KLHDC7B: variants seen among roughly 807,000 people sequenced by gnomAD.
KLHDC7B encodes kelch domain-containing protein 7B.
In KLHDC7B, 1 loss-of-function variant was observed where a neutral mutation model predicts 0.6. The observed-to-expected ratio is 1.71, with a 90% CI of 0.61 to 8.11. KLHDC7B has a LOEUF of 8.11. Among genes scored for constraint, KLHDC7B ranks in the 30% most tolerant of loss-of-function variants. KLHDC7B has a pLI of 0.13. For missense variants in KLHDC7B, 993 were observed against 894.9 expected, an observed-to-expected ratio of 1.11 and a Z score of -1.40; for synonymous variants, 462 against 405.2, an observed-to-expected ratio of 1.14 and a Z score of -1.68.
chr22:50,545,951 A>T lies in KLHDC7B; in HGVS notation c.-293A>T, dbSNP rs115592184. 2.5e-3 allele frequency among the ~76,000 whole-genome samples: 379 copies of T among 150,952 alleles called. No individual in the cohort carries two copies. The highest frequency in any genetic ancestry group is 8.6e-3 in the African/African-American group (354 of 41,334). ...CAGAGCTCAGGAACGCTGCCTGAGG[A>T]CCCTGGGGCCTACGAGGAGGAGAAG... On this transcript the variant is annotated 5_prime_UTR_variant, in exon 1 of 1. Transcript: ENST00000648057.
rs2069767948 is a variant in KLHDC7B, at chr22:50,548,894, A to G, written c.2651A>G (p.Tyr884Cys). 6.3e-7 allele frequency: 1 copy of G among 1,582,694 alleles called. No homozygotes were observed. The highest frequency in any genetic ancestry group is 2.3e-5 in the East Asian group (1 of 43,316). ...HGEPGLAQET[Y>C]ALMSDNLLRV... ...GAGCCCGGCCTGGCGCAGGAGACCT[A>G]CGCGCTGATGAGCGACAACCTGCTG... is the stretch of plus-strand genomic sequence containing the variant. The change falls in exon 1 of 1, where the codon TAC becomes TGC. Residue 884 changes from tyrosine (Y) to cysteine (C), a missense_variant. By Grantham distance (194) the Tyr-to-Cys change is radical. Transcript: ENST00000648057. This position sits in a 1 kb window ranked among gnomAD's most constrained non-coding sequence, Gnocchi z 5.3.
Position 50,550,214 on chromosome 22 carries a change from A to C in KLHDC7B, c.*263A>C, listed in dbSNP as rs1603442655. 3 of 441,486 alleles carry C rather than the reference A, an allele frequency of 6.8e-6. No individual in the cohort carries two copies. The highest frequency in any genetic ancestry group is 6.0e-5 in the South Asian group (1 of 16,634). 27.3% of individuals were successfully genotyped at this position (441,486 alleles called of 1,614,324 possible). A position where few individuals can be genotyped will look rare whatever the true frequency, so the allele number is the denominator to read the frequency against. ...TTACAGACCCTCTCAGCTTGCTGAC[A>C]CCCCCCTGTCTGTGGGACTCCCTAT... On this transcript the variant is annotated 3_prime_UTR_variant, in exon 1 of 1. Transcript: ENST00000648057.
chr22:50,548,518 T>G lies in KLHDC7B; in HGVS notation c.2275T>G (p.Ser759Ala), dbSNP rs1348816916. The change falls in exon 1 of 1, where the codon TCC becomes GCC. Residue 759 changes from serine (S) to alanine (A), a missense_variant. Physicochemically the swap from Ser to Ala is moderately conservative, Grantham distance 99. Coordinates refer to ENST00000648057, the MANE Select transcript of KLHDC7B (RefSeq NM_138433.5). The surrounding 1 kb of genome is among the most constrained non-coding windows in gnomAD (Gnocchi z 5.3). ...PAQRPPGPAASSSARRSQPVP... is the reference protein window; with the variant it reads ...PAQRPPGPAAASSARRSQPVP... ...GCAGAGGCCGCCTGGCCCCGCGGCCTCCTCCTCTGCGAGGCGCTCACAGCC... is the reference window on the plus strand; with the variant it reads ...GCAGAGGCCGCCTGGCCCCGCGGCCGCCTCCTCTGCGAGGCGCTCACAGCC... The G allele has an allele frequency of 1.3e-6, 2 of 1,554,036 alleles. No homozygotes were observed. The highest frequency in any genetic ancestry group is 2.4e-5 in the East Asian group (1 of 41,800).
In KLHDC7B at chr22:50,547,335, G is replaced by A. The variant is rs1337967984; in HGVS notation, c.1092G>A (p.Pro364=). ...PQGRPLSSQG[P]GATGAYDAGE... is the part of the protein sequence containing the mutation. ...GTCGCCCACTCTCGTCCCAAGGGCCGGGTGCCACAGGGGCCTACGATGCCG... is the reference window on the plus strand; with the variant it reads ...GTCGCCCACTCTCGTCCCAAGGGCCAGGTGCCACAGGGGCCTACGATGCCG... The change falls in exon 1 of 1, where the codon CCG becomes CCA. Residue 364 remains proline (P), a synonymous_variant. Transcript: ENST00000648057. 6.6e-6 allele frequency among the ~76,000 whole-genome samples: 1 copy of A among 151,880 alleles called. No homozygotes were observed. The highest frequency in any genetic ancestry group is 6.6e-5 in the Admixed American group (1 of 15,264).
chr22:50,547,470 C>T lies in KLHDC7B; in HGVS notation c.1227C>T (p.Pro409=). The change falls in exon 1 of 1, where the codon CCC becomes CCT. Residue 409 remains proline, a synonymous_variant. Coordinates refer to ENST00000648057, the MANE Select transcript of KLHDC7B (RefSeq NM_138433.5). ...CTGCAGCCGGCCACAGCCGCGCGCCCTCCCGGAGCCGTGAGCCTCGCCCGC... is the reference window on the plus strand; with the variant it reads ...CTGCAGCCGGCCACAGCCGCGCGCCTTCCCGGAGCCGTGAGCCTCGCCCGC... ...KPAAAGHSRA[P]SRSREPRPRS... is the part of the protein sequence containing the mutation. 1 of 386,212 alleles carries T rather than the reference C, an allele frequency of 2.6e-6. No individual in the cohort carries two copies. Among genetic ancestry groups the T allele is most frequent in the Non-Finnish European group, 4.6e-6 (1 of 218,286 alleles). The allele number at this position is 386,212 out of a possible 1,614,324, so 23.9% of individuals were successfully genotyped here. A position where few individuals can be genotyped will look rare whatever the true frequency, so the allele number is the denominator to read the frequency against.
chr22:50,549,609 C>A lies in KLHDC7B; in HGVS notation c.3366C>A (p.Ser1122Arg). Residue 1122 changes from serine (S) to arginine (R), a missense_variant, in exon 1 of 1, where the codon AGC becomes AGA. Ser to Arg is a moderately radical substitution (Grantham distance 110). Coordinates refer to ENST00000648057, the MANE Select transcript of KLHDC7B (RefSeq NM_138433.5). The stretch of plus-strand genomic sequence containing the variant: ...GGGACGAGTGCCCATACAGTGCCAG[C>A]CACCGGCGTTCCAGCGACATCGTGG... Reference protein sequence around the residue: ...DAWDECPYSASHRRSSDIVAL... With the variant: ...DAWDECPYSARHRRSSDIVAL... The A allele has an allele frequency of 6.4e-7, 1 of 1,560,604 alleles. No individual in the cohort carries two copies. The highest frequency in any genetic ancestry group is 8.7e-7 in the Non-Finnish European group (1 of 1,149,878).
chr22:50,548,504 C>T lies in KLHDC7B; in HGVS notation c.2261C>T (p.Pro754Leu). The change falls in exon 1 of 1, where the codon CCT becomes CTT. Residue 754 changes from proline (P) to leucine (L), a missense_variant. Pro to Leu is a moderately conservative substitution (Grantham distance 98). Coordinates refer to ENST00000648057, the MANE Select transcript of KLHDC7B (RefSeq NM_138433.5). This position sits in a 1 kb window ranked among gnomAD's most constrained non-coding sequence, Gnocchi z 5.3. The stretch of plus-strand genomic sequence containing the variant: ...GCACAGCCCCCCGCGCAGAGGCCGC[C>T]TGGCCCCGCGGCCTCCTCCTCTGCG... The part of the protein sequence containing the change: ...GPAQPPAQRP[P>L]GPAASSSARR... The T allele has an allele frequency of 6.4e-7, 1 of 1,558,710 alleles. No individual in the cohort carries two copies. The highest frequency in any genetic ancestry group is 8.7e-7 in the Non-Finnish European group (1 of 1,151,408).
At position 50,547,164 on chromosome 22, in the gene KLHDC7B, G is replaced by T. The variant is rs1690037296; in HGVS notation, c.921G>T (p.Gly307=). ...LQPGSQTEGS[G]AKGGWSREAS... ...CTGGGTCTCAGACGGAAGGCTCTGG[G>T]GCCAAGGGTGGCTGGAGCAGGGAGG... Residue 307 remains glycine (G), a synonymous_variant, in exon 1 of 1, where the codon GGG becomes GGT. Transcript: ENST00000648057. Among the ~76,000 whole-genome samples, 1 of 151,572 alleles carries T rather than the reference G, an allele frequency of 6.6e-6. No homozygotes were observed. The highest frequency in any genetic ancestry group is 2.4e-5 in the African/African-American group (1 of 41,288).
Position 50,549,547 on chromosome 22 carries a change from T to A in KLHDC7B, c.3304T>A (p.Tyr1102Asn). The A allele has an allele frequency of 6.2e-7, 1 of 1,600,796 alleles. No individual in the cohort carries two copies. Among genetic ancestry groups the A allele is most frequent in the Non-Finnish European group, 8.5e-7 (1 of 1,172,038 alleles). The change falls in exon 1 of 1, where the codon TAC becomes AAC. Residue 1102 changes from tyrosine (Y) to asparagine (N), a missense_variant. Transcript: ENST00000648057. ...CTACGTCACCGGGGGTCACCTCTTC[T>A]ACCGCCTGCTCAGGTACAGCCCCGT... ...DIYVTGGHLF[Y>N]RLLRYSPVKD...
chr22:50,549,744 G>GCCCCCCCCCCCCCCCCCC lies in KLHDC7B; in HGVS notation c.3504_3505insCCCCCCCCCCCCCCCCCC (p.Pro1168_Ala1169insProProProProProPro). The GCCCCCCCCCCCCCCCCCC allele has an allele frequency of 1.9e-6, 3 of 1,554,582 alleles. No individual in the cohort carries two copies. On this transcript the variant is annotated inframe_insertion, in exon 1 of 1. Transcript: ENST00000648057. The stretch of plus-strand genomic sequence containing the variant: ...GGAGCAGGGCTGCCTCCCTGCCCCT[G>GCCCCCCCCCCCCCCCCCC]CCCGCCCCCGCCCCACTGCACTGCA...
In KLHDC7B at chr22:50,547,098, G is replaced by T. The variant is rs1849341774; in HGVS notation, c.855G>T (p.Glu285Asp). Residue 285 changes from glutamate to aspartate, a missense_variant, in exon 1 of 1, where the codon GAG (glutamate) becomes GAT (aspartate). Coordinates refer to ENST00000648057, the MANE Select transcript of KLHDC7B (RefSeq NM_138433.5). ...CCACAGGACCCCCACTCGCCCAGGA[G>T]CCCGCACTCCCGGCGCTGCCCGCTC... ...GLPTGPPLAQ[E>D]PALPALPAPR... 6.6e-6 allele frequency among the ~76,000 whole-genome samples: 1 copy of T among 151,660 alleles called. No individual in the cohort carries two copies. The highest frequency in any genetic ancestry group is 2.4e-5 in the African/African-American group (1 of 41,320).
At position 50,550,154 on chromosome 22, in the gene KLHDC7B, A is replaced by C; in HGVS notation, c.*203A>C. ...AGCCTCTTTCTGCCCCTCACTCCAC[A>C]CCCAGACTGTTTCCTGACTCAATTC... On this transcript the variant is annotated 3_prime_UTR_variant, in exon 1 of 1. Transcript: ENST00000648057. 3.7e-6 allele frequency: 2 copies of C among 543,280 alleles called. No homozygotes were observed. Among genetic ancestry groups the C allele is most frequent in the East Asian group, 3.2e-5 (1 of 31,588 alleles). 33.7% of individuals were successfully genotyped at this position (543,280 alleles called of 1,614,324 possible).
chr22:50,547,760 C>T lies in KLHDC7B; in HGVS notation c.1517C>T (p.Pro506Leu). 2.0e-6 allele frequency: 1 copy of T among 508,098 alleles called. No individual in the cohort carries two copies. Among genetic ancestry groups the T allele is most frequent in the South Asian group, 3.2e-5 (1 of 31,416 alleles). The allele number at this position is 508,098 out of a possible 1,614,324, so 31.5% of individuals were successfully genotyped here. A position where few individuals can be genotyped will look rare whatever the true frequency, so the allele number is the denominator to read the frequency against. ...TTSTSSPTSAPAPAPTSAPTS... is the reference protein window; with the variant it reads ...TTSTSSPTSALAPAPTSAPTS... ...TCAACCTCATCCCCCACCTCAGCCC[C>T]AGCCCCAGCTCCAACCTCAGCTCCA... Residue 506 changes from proline (P) to leucine (L), a missense_variant, in exon 1 of 1, where the codon CCA becomes CTA. Transcript: ENST00000648057.
In KLHDC7B at chr22:50,547,790, C is replaced by T; in HGVS notation, c.1547C>T (p.Ser516Leu). 1 of 507,090 alleles carries T rather than the reference C, an allele frequency of 2.0e-6. No individual in the cohort carries two copies. Among genetic ancestry groups the T allele is most frequent in the Non-Finnish European group, 3.5e-6 (1 of 287,482 alleles). 31.4% of individuals were successfully genotyped at this position (507,090 alleles called of 1,614,324 possible). A position where few individuals can be genotyped will look rare whatever the true frequency, so the allele number is the denominator to read the frequency against. Residue 516 changes from serine (S) to leucine (L), a missense_variant, in exon 1 of 1, where the codon TCA (serine) becomes TTA (leucine). Ser to Leu is a moderately radical substitution (Grantham distance 145). Coordinates refer to ENST00000648057, the MANE Select transcript of KLHDC7B (RefSeq NM_138433.5). ...PAPAPTSAPT[S>L]TPAPAPSPAA... The stretch of plus-strand genomic sequence containing the variant: ...CCAGCTCCAACCTCAGCTCCAACTT[C>T]AACCCCAGCCCCAGCCCCAAGTCCA...
rs962789885 is a variant in KLHDC7B at position 50,546,802 on chromosome 22, G to A, written c.559G>A (p.Glu187Lys). Residue 187 changes from glutamate to lysine, a missense_variant, in exon 1 of 1, where the codon GAA (glutamate) becomes AAA (lysine). Glu to Lys is a moderately conservative substitution (Grantham distance 56). Coordinates refer to ENST00000648057, the MANE Select transcript of KLHDC7B (RefSeq NM_138433.5). ...IHFTPRSPGS[E>K]AEAETGGVRA... ...CTTCACTCCTCGGAGCCCTGGCAGC[G>A]AAGCGGAGGCGGAGACAGGTGGTGT... 3.9e-5 allele frequency among the ~76,000 whole-genome samples: 6 copies of A among 152,108 alleles called. No homozygotes were observed. Among genetic ancestry groups the A allele is most frequent in the Non-Finnish European group, 8.8e-5 (6 of 67,972 alleles).
chr22:50,549,749 C>T lies in KLHDC7B; in HGVS notation c.3506C>T (p.Ala1169Val), dbSNP rs772289178. The T allele has an allele frequency of 1.9e-6, 3 of 1,559,660 alleles. No individual in the cohort carries two copies. The highest frequency in any genetic ancestry group is 2.6e-6 in the Non-Finnish European group (3 of 1,152,710). ...AGGGCTGCCTCCCTGCCCCTGCCCG[C>T]CCCCGCCCCACTGCACTGCACCACC... ...WSRAASLPLPAPAPLHCTTLG... is the reference protein window; with the variant it reads ...WSRAASLPLPVPAPLHCTTLG... Residue 1169 changes from alanine (A) to valine (V), a missense_variant, in exon 1 of 1, where the codon GCC becomes GTC. Transcript: ENST00000648057.
Position 50,547,027 on chromosome 22 carries a change from G to T in KLHDC7B, c.784G>T (p.Ala262Ser), listed in dbSNP as rs2069737366. The change falls in exon 1 of 1, where the codon GCG becomes TCG. Residue 262 changes from alanine (A) to serine (S), a missense_variant. Coordinates refer to ENST00000648057, the MANE Select transcript of KLHDC7B (RefSeq NM_138433.5). ...GGGCGCCGCGGGGAGCGTGTGGGAC[G>T]CGGTGGACGGGGCCGCCGCCCTGGA... The part of the protein sequence containing the change: ...RLGAAGSVWD[A>S]VDGAAALDAH... Among the ~76,000 whole-genome samples the T allele has an allele frequency of 6.6e-6, 1 of 151,062 alleles. No homozygotes were observed. The highest frequency in any genetic ancestry group is 1.5e-5 in the Non-Finnish European group (1 of 67,588).
rs748075949 is a variant in KLHDC7B at position 50,549,397 on chromosome 22, G to A, written c.3154G>A (p.Gly1052Ser). Residue 1052 changes from glycine (G) to serine (S), a missense_variant, in exon 1 of 1, where the codon GGT (glycine) becomes AGT (serine). Coordinates refer to ENST00000648057, the MANE Select transcript of KLHDC7B (RefSeq NM_138433.5). ...CCTGGACGGGCTGCTCTATGCCATC[G>A]GTGGCGAATGCCTGTACAGCATGGA... is the stretch of plus-strand genomic sequence containing the variant. ...VALDGLLYAI[G>S]GECLYSMECY... The A allele has an allele frequency of 5.0e-6, 8 of 1,612,650 alleles. No individual in the cohort carries two copies. The highest frequency in any genetic ancestry group is 6.8e-6 in the Non-Finnish European group (8 of 1,179,916).
upstream of KLHDC7B, chr22:50,547,909 AG>A: frequency 3.0e-6 from 1 of 334,228 alleles, no homozygotes; most frequent in Non-Finnish European, 5.2e-6. Flanking sequence ...CCCAGCCCTA[AG>A]CCCAGCTCCA....
Sources: gnomAD v4.1 joint callset for allele counts (sites outside exome capture counted in the v4.1 genomes callset) on GRCh38, gnomAD v4.1.1 for gene constraint, Gnocchi (gnomAD v3.1) non-coding constraint, MANE v1.5 for transcripts, NCBI Gene and HGNC (gene_info 2026-07-23, HGNC 2026-07-21) for gene names.